The following CFAP92 variants were observed in gnomAD, a reference collection of about 807,000 sequenced individuals.
The protein encoded by CFAP92 is uncharacterized protein CFAP92.
In CFAP92, 86 loss-of-function variants were observed where a neutral mutation model predicts 106.3. That is an observed-to-expected ratio of 0.81 (90% CI 0.68 to 0.97). The LOEUF (loss-of-function observed/expected upper bound fraction) is 0.97, where lower values mean the gene tolerates loss of function less well. CFAP92 is among the 50% of genes least tolerant of loss of function. The pLI, the probability that CFAP92 is intolerant of heterozygous loss-of-function variation, is 0.00. For synonymous variants in CFAP92, 477 were observed against 506.4 expected, an observed-to-expected ratio of 0.94 and a Z score of 0.78; for missense variants, 1,204 against 1,283.8, an observed-to-expected ratio of 0.94 and a Z score of 0.95.
chr3:128,995,323 C>T (rs939257174), upstream of CFAP92, among the ~76,000 whole-genome samples: 6 of 152,146 alleles, frequency 3.9e-5, no homozygotes, highest in African/African-American at 1.4e-4. Flanking sequence ...GAAAAACAGC[C>T]TCAAGTACAG....
upstream of CFAP92, among the ~76,000 whole-genome samples, chr3:129,003,627 C>T (rs1287739785): frequency 6.6e-6 from 1 of 152,168 alleles, no homozygotes; most frequent in African/African-American, 2.4e-5. Flanking sequence ...GTTAAAGGAG[C>T]TTGGACGCAC....
At chr3:128,937,137 C>CA (rs143374000) in intron 10 of CFAP92, among the ~76,000 whole-genome samples, 3 of 151,414 alleles carry the variant, frequency 2.0e-5, no homozygotes, top group African/African-American at 7.3e-5. Context: ...CCCATCTCTA[C>CA]AAAAAATACA....
intron 9 of CFAP92, among the ~76,000 whole-genome samples, chr3:128,951,612 G>C (rs950360019): frequency 6.6e-6 from 1 of 152,204 alleles, no homozygotes. Context: ...GAGTGCTGGA[G>C]AAGGCAGTAT....
intron 9 of CFAP92, among the ~76,000 whole-genome samples, chr3:128,951,259 GGA>G (rs1411198254): frequency 6.6e-6 from 1 of 151,834 alleles, no homozygotes; most frequent in Non-Finnish European, 1.5e-5. Context: ...GGAAAGCCCA[GGA>G]GAGTCAGCAT....
At chr3:129,004,205 ATTC>A, upstream of CFAP92, 1 of 1,161,064 alleles carries the variant, frequency 8.6e-7, no homozygotes, top group Non-Finnish European at 1.1e-6. Flanking sequence ...TTATTCATGT[ATTC>A]TTTCATTCCT....
Position 128,988,733 on chromosome 3 carries a change from C to T in CFAP92, c.448G>A (p.Val150Ile), listed in dbSNP as rs895092381. 1.5e-5 allele frequency: 24 copies of T among 1,613,486 alleles called. No homozygotes were observed. The highest frequency in any genetic ancestry group is 2.0e-5 in the Non-Finnish European group (24 of 1,179,834). The stretch of plus-strand genomic sequence containing the variant: ...ACACACACTCACACACGCACCTTTA[C>T]TCCTGACTCCAGGAATACTTTGGCC... ...MVAKVFLESG[V>I]KTVKPWHEGD... Residue 150 changes from valine to isoleucine, a missense_variant, in exon 3 of 16, where the codon GTA becomes ATA. By Grantham distance (29) the Val-to-Ile change is conservative. Transcript: ENST00000645291.
chr3:128,925,869 A>C (rs144232637), intron 12 of CFAP92, among the ~76,000 whole-genome samples: 2 of 152,338 alleles, frequency 1.3e-5, no homozygotes, highest in African/African-American at 4.8e-5. Flanking sequence ...AAACAATGGA[A>C]GTCAGAGGAC....
intron 10 of CFAP92, among the ~76,000 whole-genome samples, chr3:128,943,989 G>A (rs1342241992): frequency 1.4e-5 from 2 of 146,600 alleles, no homozygotes; most frequent in Admixed American, 6.8e-5. Context: ...GAATTCAGTG[G>A]CGTGATACTG....
intron 12 of CFAP92, among the ~76,000 whole-genome samples, chr3:128,928,262 AAAT>A (rs1192073877): frequency 2.0e-5 from 3 of 152,098 alleles, no homozygotes; most frequent in Non-Finnish European, 4.4e-5. Context: ...CAAAAAAAAT[AAAT>A]AAACAAAATC....
At chr3:129,020,939 G>A in the CFAP92 span, among the ~76,000 whole-genome samples, 2 of 152,216 alleles carry the variant, frequency 1.3e-5, no homozygotes. Context: ...GTCCCAGGGT[G>A]AGGCTGCCGT....
intron 1 of CFAP92, 186 bp from the exon 2 acceptor site, chr3:128,993,522 G>A (rs971983568): frequency 4.9e-6 from 3 of 614,610 alleles, no homozygotes; most frequent in Admixed American, 3.0e-5. Flanking sequence ...GAGAATGAAT[G>A]GATGAAGGAA....
At chr3:128,915,680 G>A in intron 13 of CFAP92, 117 bp from the exon 14 acceptor site, 1 of 696,958 alleles carries the variant, frequency 1.4e-6, no homozygotes, top group Admixed American at 3.0e-5. Context: ...AATGTAAATA[G>A]TGCATTGAGA....
At chr3:128,910,609 C>G in intron 15 of CFAP92, 1 of 981,212 alleles carries the variant, frequency 1.0e-6, no homozygotes, top group African/African-American at 1.6e-5. Flanking sequence ...GAACCCAAGA[C>G]GGGGTGACTC....
chr3:128,942,409 C>A (rs567661191), intron 10 of CFAP92, among the ~76,000 whole-genome samples: 1 of 152,218 alleles, frequency 6.6e-6, no homozygotes, highest in South Asian at 2.1e-4. Context: ...GGGGGCTCCA[C>A]TGCACAGGTA....
At chr3:129,002,097 G>C in intron 1 of CFAP92, 3 of 1,508,978 alleles carry the variant, frequency 2.0e-6, no homozygotes, top group Non-Finnish European at 2.7e-6. Context: ...CGGCACCCGT[G>C]CGGGGCCCCG....
At chr3:129,014,011 C>G in the CFAP92 span, among the ~76,000 whole-genome samples, 3 of 152,176 alleles carry the variant, frequency 2.0e-5, no homozygotes, top group South Asian at 2.1e-4. The surrounding 1 kb of genome is among the most constrained non-coding windows in gnomAD (Gnocchi z 4.3). Context: ...ACTGGAGAAG[C>G]CTGGAGCCAC....
At chr3:128,933,517 A>G (rs1403062599) in intron 11 of CFAP92, among the ~76,000 whole-genome samples, 2 of 152,170 alleles carry the variant, frequency 1.3e-5, no homozygotes, top group African/African-American at 2.4e-5. Flanking sequence ...TCCAGAAACC[A>G]TGCTCAGTCA....
chr3:128,910,216 T>C lies in CFAP92; in HGVS notation c.*83A>G, dbSNP rs1037509547. 10 of 1,609,592 alleles carry C rather than the reference T, an allele frequency of 6.2e-6. No individual in the cohort carries two copies. Among genetic ancestry groups the C allele is most frequent in the African/African-American group, 1.3e-5 (1 of 74,854 alleles). ...TCTGTCCTGCTGCACTTTAATGAAG[T>C]TGATTGTTGAGGAGGGTGTGGTCGG... On this transcript the variant is annotated 3_prime_UTR_variant, in exon 16 of 16. Coordinates refer to ENST00000645291, the MANE Select transcript of CFAP92 (RefSeq NM_001394090.1).
At chr3:128,974,480 G>T (rs867394324) in intron 7 of CFAP92, among the ~76,000 whole-genome samples, 35 of 152,298 alleles carry the variant, frequency 2.3e-4, no homozygotes, top group Middle Eastern at 3.4e-3. Context: ...GCTTCTGCAT[G>T]AACGGATCCC....
Sources: gnomAD v4.1 joint callset for allele counts (sites outside exome capture counted in the v4.1 genomes callset) on GRCh38, gnomAD v4.1.1 for gene constraint, Gnocchi (gnomAD v3.1) non-coding constraint, MANE v1.5 for transcripts, NCBI Gene and HGNC (gene_info 2026-07-23, HGNC 2026-07-21) for gene names.